ABLIM3: variants seen among roughly 807,000 people sequenced by gnomAD.
ABLIM3 encodes the protein actin-binding LIM protein 3.
A neutral mutation model predicts 109.5 loss-of-function variants in ABLIM3; 61 were observed. That is an observed-to-expected ratio of 0.56 (90% CI 0.45 to 0.69). ABLIM3 has a LOEUF of 0.69. Among genes scored for constraint, ABLIM3 ranks in the 30% least tolerant of loss-of-function variants. The pLI is 0.00. For synonymous variants in ABLIM3, 300 were observed against 324.8 expected (o/e 0.92, Z 0.82); for missense variants, 796 against 889.5 (o/e 0.89, Z 1.34).
In ABLIM3 at chr5:149,237,530, C is replaced by A; in HGVS notation, c.971C>A (p.Pro324His). 6.2e-7 allele frequency: 1 copy of A among 1,614,188 alleles called. No individual in the cohort carries two copies. The change falls in exon 11 of 24, where the codon CCC becomes CAC. Residue 324 changes from proline (P) to histidine (H), a missense_variant. Pro to His is a moderately conservative substitution (Grantham distance 77, BLOSUM62 -2). Coordinates refer to ENST00000309868, the MANE Select transcript of ABLIM3 (RefSeq NM_014945.5). ...KVKSIYEVQR[P>H]DLISYEPHSR... is the part of the protein sequence containing the mutation. Reference sequence around the variant, plus strand: ...AAGTCTATCTACGAGGTACAACGCCCCGACCTCATTTCCTATGAGCCTCAT... The same window carrying A: ...AAGTCTATCTACGAGGTACAACGCCACGACCTCATTTCCTATGAGCCTCAT...
At chr5:149,214,157 C>G (rs976803482) in intron 7 of ABLIM3, among the ~76,000 whole-genome samples, 2 of 152,230 alleles carry the variant, frequency 1.3e-5, no homozygotes, top group Admixed American at 6.5e-5. Flanking sequence ...ATACTACTGT[C>G]ATTTAATTCC....
chr5:149,195,545 G>A (rs1440335051), intron 3 of ABLIM3, among the ~76,000 whole-genome samples: 1 of 152,046 alleles, frequency 6.6e-6, no homozygotes, highest in East Asian at 1.9e-4. Flanking sequence ...ATTGTTCCAA[G>A]TTTTCCTATG....
intron 8 of ABLIM3, among the ~76,000 whole-genome samples, chr5:149,224,117 A>G (rs1195130117): frequency 2.0e-5 from 3 of 152,200 alleles, no homozygotes; most frequent in Non-Finnish European, 4.4e-5. Flanking sequence ...TTTATATTTA[A>G]GCACTATTGT....
chr5:149,251,362 C>G lies in ABLIM3; in HGVS notation c.1792C>G (p.Pro598Ala). The G allele has an allele frequency of 2.5e-6, 4 of 1,614,162 alleles. No homozygotes were observed. Among genetic ancestry groups the G allele is most frequent in the Non-Finnish European group, 3.4e-6 (4 of 1,180,034 alleles). The change falls in exon 21 of 24, where the codon CCC (proline) becomes GCC (alanine). Residue 598 changes from proline (P) to alanine (A), a missense_variant. Coordinates refer to ENST00000309868, the MANE Select transcript of ABLIM3 (RefSeq NM_014945.5). Reference protein sequence around the residue: ...AYRRNGLHRTPSADLFHYDSM... With the variant: ...AYRRNGLHRTASADLFHYDSM... ...CGTGGTTCTGTCTCTTCTGCAGACA[C>G]CCAGCGCAGACCTCTTCCACTACGA...
Position 149,170,258 on chromosome 5 carries a change from C to CTCTCTCTCCT in ABLIM3, c.14-13188_14-13187insTCCTTCTCTC, listed in dbSNP as rs879327813. ...TCTCTCTCTCTCTCTCTCTCTCTCT[C>CTCTCTCTCCT]TCTCTCCTTCTCCCTCTCTCTCTCT... On this transcript the variant is annotated intron_variant, in intron 2 of 23. Coordinates refer to ENST00000309868, the MANE Select transcript of ABLIM3 (RefSeq NM_014945.5). 7.6e-3 allele frequency among the ~76,000 whole-genome samples: 1,151 copies of CTCTCTCTCCT among 151,298 alleles called. 6 individuals are homozygous for CTCTCTCTCCT. The highest frequency in any genetic ancestry group is 0.012 in the Non-Finnish European group (811 of 67,760).
In ABLIM3 at chr5:149,157,932, A is replaced by T. The variant is rs139654668; in HGVS notation, c.13+15824A>T. Among the ~76,000 whole-genome samples the T allele has an allele frequency of 4.9e-4, 74 of 152,308 alleles. No homozygotes were observed. In the East Asian group the frequency reaches 0.012, roughly 25 times the overall value. On this transcript the variant is annotated intron_variant, in intron 2 of 23. Coordinates refer to ENST00000309868, the MANE Select transcript of ABLIM3 (RefSeq NM_014945.5). ...TGTAAAGTACAACTGAAAGGGTACC[A>T]ACAAAGGCACTTTTTAAAAAGCATT...
At chr5:149,206,806 C>A (rs1040310760) in intron 5 of ABLIM3, among the ~76,000 whole-genome samples, 20 of 152,024 alleles carry the variant, frequency 1.3e-4, no homozygotes, top group African/African-American at 4.6e-4. Context: ...TTCTCTCCTA[C>A]ACCAAGACCC....
intron 23 of ABLIM3, among the ~76,000 whole-genome samples, chr5:149,257,002 G>C (rs1156752745): frequency 1.3e-5 from 2 of 152,208 alleles, no homozygotes; most frequent in Non-Finnish European, 2.9e-5. Context: ...CTGAAGGTAT[G>C]GGGAAAATGT....
At chr5:149,214,240 C>T (rs1485687599) in intron 7 of ABLIM3, among the ~76,000 whole-genome samples, 1 of 152,188 alleles carries the variant, frequency 6.6e-6, no homozygotes, top group Non-Finnish European at 1.5e-5. Flanking sequence ...AACAAAAAGC[C>T]CAGGAGCTGG....
rs1421519371 is a variant in ABLIM3, at chr5:149,225,970, GTGTGTGTGTGTGTA to G, written c.758-4677_758-4664del. 5.4e-5 allele frequency among the ~76,000 whole-genome samples: 4 copies of G among 74,030 alleles called. No individual in the cohort carries two copies. In the East Asian group the frequency reaches 1.3e-3, roughly 25 times the overall value. 48.6% of individuals were successfully genotyped at this position (74,030 alleles called of 152,430 possible). On this transcript the variant is annotated intron_variant, in intron 8 of 23. Coordinates refer to ENST00000309868, the MANE Select transcript of ABLIM3 (RefSeq NM_014945.5). ...GTATGTATATAATATGTGTGTGTGT[GTGTGTGTGTGTGTA>G]TATATATATATATATATATATATAT...
intron 1 of ABLIM3, 65 bp from the exon 2 acceptor site, chr5:149,141,944 C>G: frequency 9.1e-7 from 1 of 1,099,870 alleles, no homozygotes; most frequent in Non-Finnish European, 1.4e-6. Context: ...AGAGAGGGGA[C>G]AGCAGAGGGA....
chr5:149,173,915 G>C (rs898064199), intron 2 of ABLIM3, among the ~76,000 whole-genome samples: 235 of 151,464 alleles, frequency 1.6e-3, no homozygotes, highest in African/African-American at 5.4e-3. Context: ...CCAGCTACTC[G>C]GGAGGCTGAG....
chr5:149,248,962 G>A lies in ABLIM3; in HGVS notation c.1700-853G>A, dbSNP rs184861635. Among the ~76,000 whole-genome samples, 492 of 151,466 alleles carry A rather than the reference G, an allele frequency of 3.2e-3. 3 individuals are homozygous for A. Among genetic ancestry groups the A allele is most frequent in the African/African-American group, 0.011 (448 of 41,124 alleles). ...CAGTCCTGCCAGGAAATCTCATCTC[G>A]GATCAATACATTATGGATAATAAAA... is the stretch of plus-strand genomic sequence containing the variant. On this transcript the variant is annotated intron_variant, in intron 18 of 23. Transcript: ENST00000309868.
chr5:149,226,852 C>G (rs113280975), intron 8 of ABLIM3, among the ~76,000 whole-genome samples: 8,216 of 152,078 alleles, frequency 0.054, 691 homozygotes, highest in African/African-American at 0.19. Context: ...GGGCAGATCA[C>G]CTGAGGTTGG....
intron 2 of ABLIM3, chr5:149,164,074 T>A (rs1754618624): frequency 6.6e-6 from 1 of 152,226 alleles, no homozygotes; most frequent in Non-Finnish European, 1.5e-5. Flanking sequence ...ATGTTATATG[T>A]AGTAAAAGTT....
chr5:149,183,683 T>C (rs923454354), intron 3 of ABLIM3, 94 bp downstream of exon 3: 36 of 1,350,132 alleles, frequency 2.7e-5, no homozygotes, highest in Non-Finnish European at 2.4e-5. Context: ...CAAACACAGG[T>C]GGCTGGAATA....
At chr5:149,243,287 A>T (rs969459792) in intron 15 of ABLIM3, 2 of 152,222 alleles carry the variant, frequency 1.3e-5, no homozygotes, top group African/African-American at 4.8e-5. Flanking sequence ...TGCACTTAGT[A>T]TGAGAACCAC....
chr5:149,187,968 T>C (rs966556641), intron 3 of ABLIM3, among the ~76,000 whole-genome samples: 6 of 152,246 alleles, frequency 3.9e-5, no homozygotes, highest in Admixed American at 2.6e-4. Context: ...CCCTCACCTT[T>C]GCTCCATCTG....
At chr5:149,230,822 A>G in intron 9 of ABLIM3, 115 bp downstream of exon 9, 1 of 1,145,610 alleles carries the variant, frequency 8.7e-7, no homozygotes, top group South Asian at 1.3e-5. Context: ...ACACTCCCAA[A>G]TGTGTGCCTA....
Sources: gnomAD v4.1 joint callset for allele counts (sites outside exome capture counted in the v4.1 genomes callset) on GRCh38, gnomAD v4.1.1 for gene constraint, MANE v1.5 for transcripts, NCBI Gene and HGNC (gene_info 2026-07-23, HGNC 2026-07-21) for gene names.